The following BEST3 variants were observed in gnomAD, a reference collection of about 807,000 sequenced individuals.
The protein encoded by BEST3 is bestrophin 3.
Under a neutral mutation model 47.1 loss-of-function variants are expected in BEST3, and 50 were observed. The observed-to-expected ratio is 1.06, with a 90% confidence interval of 0.85 to 1.34. The LOEUF (loss-of-function observed/expected upper bound fraction) is 1.34. Among genes scored for constraint, BEST3 ranks in the 40% most tolerant of loss-of-function variants. The pLI is 0.00. For missense variants in BEST3, 765 were observed against 817.0 expected (o/e 0.94, Z 0.78); for synonymous variants, 282 against 298.8 (o/e 0.94, Z 0.58).
Position 69,690,703 on chromosome 12 carries a change from A to C in BEST3, c.481+2971T>G, listed in dbSNP as rs567879906. On this transcript the variant is annotated intron_variant, in intron 4 of 9. Coordinates refer to ENST00000330891, the MANE Select transcript of BEST3 (RefSeq NM_032735.3). The stretch of plus-strand genomic sequence containing the variant: ...TCATCCAAGTAAACTTTAGCTCATC[A>C]ACTTGGAATAGGTCATACGTTTCTT... 1.9e-4 allele frequency among the ~76,000 whole-genome samples: 29 copies of C among 152,334 alleles called. No individual in the cohort carries two copies. In the South Asian group the frequency reaches 5.6e-3, roughly 29 times the overall value.
chr12:69,684,738 G>T (rs1333124263), intron 4 of BEST3: 1 of 457,108 alleles, frequency 2.2e-6, no homozygotes, highest in African/African-American at 2.0e-5. Flanking sequence ...GAAGCCACCA[G>T]CTTCAGCTAC....
At chr12:69,698,502 A>G (rs981209354) in intron 1 of BEST3, among the ~76,000 whole-genome samples, 9 of 152,182 alleles carry the variant, frequency 5.9e-5, no homozygotes, top group Non-Finnish European at 1.3e-4. Flanking sequence ...AGACAGCGCA[A>G]AGCTAATCTT....
At chr12:69,685,725 A>G (rs1231662057) in intron 4 of BEST3, among the ~76,000 whole-genome samples, 1 of 152,112 alleles carries the variant, frequency 6.6e-6, no homozygotes, top group Non-Finnish European at 1.5e-5. Flanking sequence ...CTAGATCTAG[A>G]TTCTGATTCC....
intron 9 of BEST3, among the ~76,000 whole-genome samples, chr12:69,666,291 T>A (rs1369240840): frequency 6.6e-6 from 1 of 152,232 alleles, no homozygotes; most frequent in African/African-American, 2.4e-5. Context: ...GTGCTGGGAT[T>A]ACAGGCGTGG....
chr12:69,673,502 A>G (rs1884710243), intron 7 of BEST3, among the ~76,000 whole-genome samples: 3 of 152,176 alleles, frequency 2.0e-5, no homozygotes, highest in African/African-American at 4.8e-5. Context: ...CAGTGGCATA[A>G]TCTCGGCTCA....
chr12:69,685,658 C>T lies in BEST3; in HGVS notation c.482-6765G>A, dbSNP rs923677886. On this transcript the variant is annotated intron_variant, in intron 4 of 9. Transcript: ENST00000330891. The stretch of plus-strand genomic sequence containing the variant: ...TTCAGCATTCTCAGTCTGGGTCAAA[C>T]ATCCTGCAGTGCTTCTAGGGAGCCT... 1.4e-4 allele frequency among the ~76,000 whole-genome samples: 21 copies of T among 152,304 alleles called. No individual in the cohort carries two copies. The Middle Eastern group carries it at 0.014, about 99-fold the overall frequency.
chr12:69,649,423 G>A (rs570859124), downstream of BEST3, among the ~76,000 whole-genome samples: 1 of 152,246 alleles, frequency 6.6e-6, no homozygotes, highest in Non-Finnish European at 1.5e-5. Flanking sequence ...GTTCAAATCT[G>A]ATTTTTCTGA....
At position 69,654,578 on chromosome 12, in the gene BEST3, CTCTT is replaced by C. The variant is rs1452804156; in HGVS notation, c.*325_*328del. 9.6e-7 allele frequency: 1 copy of C among 1,039,876 alleles called. No homozygotes were observed. Among genetic ancestry groups the C allele is most frequent in the Non-Finnish European group, 1.2e-6 (1 of 863,334 alleles). The allele number at this position is 1,039,876 out of a possible 1,614,324, so 64.4% of individuals were successfully genotyped here. A position where few individuals can be genotyped will look rare whatever the true frequency, so the allele number is the denominator to read the frequency against. On this transcript the variant is annotated 3_prime_UTR_variant, in exon 10 of 10. Coordinates refer to ENST00000330891, the MANE Select transcript of BEST3 (RefSeq NM_032735.3). The stretch of plus-strand genomic sequence containing the variant: ...GGGGATTGGACTATGATCTATGAGA[CTCTT>C]TCCACAACTAATAATCTATGAATTT...
At chr12:69,692,335 T>C (rs1885956097) in intron 4 of BEST3, among the ~76,000 whole-genome samples, 1 of 152,226 alleles carries the variant, frequency 6.6e-6, no homozygotes, top group African/African-American at 2.4e-5. Context: ...ACGCTTCTCA[T>C]CCATATGTGC....
chr12:69,683,306 A>G (rs927215397), intron 4 of BEST3: 2 of 152,252 alleles, frequency 1.3e-5, no homozygotes, highest in Admixed American at 1.3e-4. Flanking sequence ...ACAATCACTG[A>G]GACATTAATG....
Position 69,699,265 on chromosome 12 carries a change from G to A in BEST3, c.-76C>T, listed in dbSNP as rs1447712632. On this transcript the variant is annotated 5_prime_UTR_variant, in exon 1 of 10. Coordinates refer to ENST00000330891, the MANE Select transcript of BEST3 (RefSeq NM_032735.3). ...GAATCTTCAAATTTCGGGCTCCCCC[G>A]AAGAGGTGCCTTCAGGTCGGTGCTG... 5.1e-6 allele frequency: 5 copies of A among 985,398 alleles called. No homozygotes were observed. The highest frequency in any genetic ancestry group is 6.0e-6 in the Non-Finnish European group (5 of 829,922). The allele number at this position is 985,398 out of a possible 1,614,324, so 61.0% of individuals were successfully genotyped here. A position where few individuals can be genotyped will look rare whatever the true frequency, so the allele number is the denominator to read the frequency against.
chr12:69,671,389 G>A (rs1215683601), intron 9 of BEST3, 39 bp downstream of exon 9: 6 of 1,568,790 alleles, frequency 3.8e-6, no homozygotes, highest in Non-Finnish European at 5.2e-6. Context: ...ATGTTGCTCA[G>A]GCTGGAAAAT....
At chr12:69,645,556 T>A (rs1452414157) in intron 9 of BEST3, among the ~76,000 whole-genome samples, 1 of 152,220 alleles carries the variant, frequency 6.6e-6, no homozygotes, top group Non-Finnish European at 1.5e-5. Context: ...AAACATAACT[T>A]TCTATCCTAA....
intron 7 of BEST3, among the ~76,000 whole-genome samples, chr12:69,673,428 T>TGCGGG (rs1884705737): frequency 2.0e-5 from 3 of 152,144 alleles, no homozygotes; most frequent in Non-Finnish European, 2.9e-5. Context: ...TAAGAGGCTT[T>TGCGGG]CACAATTTAT....
chr12:69,656,355 A>G (rs1040755196), intron 9 of BEST3, among the ~76,000 whole-genome samples: 10 of 129,550 alleles, frequency 7.7e-5, no homozygotes, highest in African/African-American at 1.1e-4. Context: ...CTATATATCT[A>G]TATCTATGAA....
intron 4 of BEST3, among the ~76,000 whole-genome samples, chr12:69,681,608 G>A (rs764307971): frequency 3.3e-4 from 50 of 152,036 alleles, no homozygotes; most frequent in Non-Finnish European, 5.4e-4. Context: ...GATCTTTGAT[G>A]TGACTTAGGC....
chr12:69,671,088 A>T (rs1229333096), intron 9 of BEST3, among the ~76,000 whole-genome samples: 1 of 152,226 alleles, frequency 6.6e-6, no homozygotes, highest in Non-Finnish European at 1.5e-5. Context: ...AATGCCAAAA[A>T]AGGTAAAAAG....
intron 9 of BEST3, chr12:69,660,934 G>C (rs1229198306): frequency 6.6e-6 from 1 of 152,150 alleles, no homozygotes; most frequent in Non-Finnish European, 1.5e-5. Flanking sequence ...TCAGCCCCAT[G>C]GTTTCCCTTG....
intron 8 of BEST3, 151 bp from the exon 9 acceptor site, chr12:69,671,730 C>CA (rs1370572865): frequency 4.3e-6 from 3 of 704,756 alleles, no homozygotes; most frequent in African/African-American, 3.6e-5. Flanking sequence ...GCCATGACCA[C>CA]AGCTGCCACA....
Sources: allele counts gnomAD v4.1 joint callset (sites outside exome capture counted in the v4.1 genomes callset), GRCh38; gene constraint gnomAD v4.1.1; transcripts MANE v1.5; gene names NCBI Gene and HGNC (gene_info 2026-07-23, HGNC 2026-07-21).